The following CSMD1 variants were observed in gnomAD, a reference collection of about 807,000 sequenced individuals.
The protein encoded by CSMD1 is CUB and Sushi multiple domains 1.
Under a neutral mutation model 417.5 loss-of-function variants are expected in CSMD1, and 213 were observed. That is an observed-to-expected ratio of 0.51 (90% CI 0.46 to 0.57). The LOEUF (loss-of-function observed/expected upper bound fraction) is 0.57. Ranked by LOEUF, CSMD1 falls within the 20% of genes least tolerant of loss-of-function variation. The probability of loss-of-function intolerance (pLI) is 0.00; values close to 1 mark genes in which losing one functional copy is unlikely to be tolerated. For missense variants in CSMD1, 6,923 were observed against 4,529.7 expected (o/e 1.53, Z -15.17); for synonymous variants, 2,862 against 1,736.8 (o/e 1.65, Z -16.11).
At chr8:4,034,077 G>C (rs1161687754) in intron 3 of CSMD1, among the ~76,000 whole-genome samples, 1 of 152,102 alleles carries the variant, frequency 6.6e-6, no homozygotes, top group Admixed American at 6.5e-5. Context: ...CTTTGCATCG[G>C]CATGGGGGTG....
At chr8:3,517,630 G>T (rs1797336538) in intron 10 of CSMD1, among the ~76,000 whole-genome samples, 1 of 152,004 alleles carries the variant, frequency 6.6e-6, no homozygotes, top group Non-Finnish European at 1.5e-5. Context: ...CGATTTTTTT[G>T]GGGAAAAAGG....
chr8:4,784,467 T>C (rs967439925), intron 1 of CSMD1, among the ~76,000 whole-genome samples: 5 of 152,234 alleles, frequency 3.3e-5, no homozygotes, highest in Non-Finnish European at 4.4e-5. Context: ...ACACTTGCAT[T>C]GAAATTTTAA....
intron 1 of CSMD1, among the ~76,000 whole-genome samples, chr8:4,829,055 T>G (rs1326509705): frequency 6.6e-6 from 1 of 152,204 alleles, no homozygotes; most frequent in Non-Finnish European, 1.5e-5. Context: ...GATAACTTAA[T>G]AGGTTACCTT....
chr8:3,310,412 G>T (rs1245455283), intron 23 of CSMD1, among the ~76,000 whole-genome samples: 1 of 152,206 alleles, frequency 6.6e-6, no homozygotes, highest in Non-Finnish European at 1.5e-5. Context: ...CAGCATTGGG[G>T]ATGACCACCA....
chr8:3,082,769 A>C (rs1294017345), intron 49 of CSMD1, among the ~76,000 whole-genome samples: 1 of 152,206 alleles, frequency 6.6e-6, no homozygotes, highest in Non-Finnish European at 1.5e-5. Context: ...AATTATACAA[A>C]AGATACCCTC....
chr8:3,099,228 C>T (rs549331249), intron 46 of CSMD1, among the ~76,000 whole-genome samples: 3 of 152,204 alleles, frequency 2.0e-5, no homozygotes, highest in Non-Finnish European at 4.4e-5. Context: ...AGAGGGAGGT[C>T]GTGGGAAGCA....
chr8:3,012,048 T>C (rs1042557073), intron 52 of CSMD1, among the ~76,000 whole-genome samples: 2 of 152,180 alleles, frequency 1.3e-5, no homozygotes, highest in African/African-American at 4.8e-5. Flanking sequence ...TTAGAGCAGG[T>C]CCTTGGCAAT....
intron 1 of CSMD1, among the ~76,000 whole-genome samples, chr8:4,801,913 T>A (rs752340376): frequency 6.6e-6 from 1 of 152,228 alleles, no homozygotes; most frequent in Non-Finnish European, 1.5e-5. Context: ...CAAGGCAGCA[T>A]TCGTACTGTG....
intron 5 of CSMD1, among the ~76,000 whole-genome samples, chr8:3,775,229 A>C (rs1300632354): frequency 1.3e-5 from 2 of 152,232 alleles, no homozygotes; most frequent in East Asian, 3.9e-4. Flanking sequence ...ACTTTGCAAA[A>C]CAAGTTAGAA....
chr8:4,740,387 G>A (rs1810526633), intron 1 of CSMD1, among the ~76,000 whole-genome samples: 1 of 152,082 alleles, frequency 6.6e-6, no homozygotes, highest in South Asian at 2.1e-4. Flanking sequence ...GTATTAGAAT[G>A]AGGAAATAGC....
chr8:3,847,254 G>C (rs1429133432), intron 5 of CSMD1, among the ~76,000 whole-genome samples: 1 of 152,130 alleles, frequency 6.6e-6, no homozygotes, highest in South Asian at 2.1e-4. Context: ...GATGTAGAAA[G>C]GTCCCTAATC....
At chr8:3,418,494 G>C (rs1036926381) in intron 12 of CSMD1, among the ~76,000 whole-genome samples, 1 of 152,038 alleles carries the variant, frequency 6.6e-6, no homozygotes, top group Non-Finnish European at 1.5e-5. Context: ...TATAATCATG[G>C]AGTCATATTT....
In CSMD1 at chr8:4,497,433, C is replaced by A. The variant is rs111486206; in HGVS notation, c.303-77368G>T. Among the ~76,000 whole-genome samples, 743 of 152,274 alleles carry A rather than the reference C, an allele frequency of 4.9e-3. 4 individuals are homozygous for A. Among genetic ancestry groups the A allele is most frequent in the African/African-American group, 0.017 (692 of 41,566 alleles). On this transcript the variant is annotated intron_variant, in intron 2 of 69. Transcript: ENST00000635120. Reference sequence around the variant, plus strand: ...TTGGGGGGAAATATTAACCGCTTTTCAATTTATGCATAACCTTTCCAGGCC... The same window carrying A: ...TTGGGGGGAAATATTAACCGCTTTTAAATTTATGCATAACCTTTCCAGGCC...
chr8:3,337,489 G>A (rs879267414), intron 23 of CSMD1, among the ~76,000 whole-genome samples: 3 of 152,040 alleles, frequency 2.0e-5, no homozygotes, highest in African/African-American at 7.2e-5. Flanking sequence ...CTTTGCGGTT[G>A]GCAGTCTTGC....
At chr8:3,648,292 T>C (rs748087050) in intron 7 of CSMD1, among the ~76,000 whole-genome samples, 2 of 152,242 alleles carry the variant, frequency 1.3e-5, no homozygotes, top group Non-Finnish European at 2.9e-5. Context: ...ATATTTCAAA[T>C]CTGCCCTACA....
chr8:3,800,803 GC>G (rs1422799440), intron 5 of CSMD1, among the ~76,000 whole-genome samples: 1 of 152,032 alleles, frequency 6.6e-6, no homozygotes, highest in Non-Finnish European at 1.5e-5. Flanking sequence ...TTTTGTACGT[GC>G]CCACTTCCCC....
At chr8:3,381,095 A>T (rs1810600425) in intron 18 of CSMD1, among the ~76,000 whole-genome samples, 3 of 152,106 alleles carry the variant, frequency 2.0e-5, no homozygotes, top group Admixed American at 2.0e-4. Context: ...TCATTACCAG[A>T]TCAAGAGCAT....
At chr8:3,074,391 C>T (rs151118069) in intron 49 of CSMD1, among the ~76,000 whole-genome samples, 2 of 152,142 alleles carry the variant, frequency 1.3e-5, no homozygotes, top group African/African-American at 2.4e-5. Context: ...GTCCACCGCA[C>T]CCCCAGGTCC....
At chr8:3,742,369 A>G (rs925986831) in intron 6 of CSMD1, among the ~76,000 whole-genome samples, 5 of 152,182 alleles carry the variant, frequency 3.3e-5, no homozygotes, top group African/African-American at 7.2e-5. Context: ...TCTGACCCGA[A>G]TATTTTTCAA....
Sources: gnomAD v4.1 joint callset for allele counts (sites outside exome capture counted in the v4.1 genomes callset) on GRCh38, gnomAD v4.1.1 for gene constraint, MANE v1.5 for transcripts, NCBI Gene and HGNC (gene_info 2026-07-23, HGNC 2026-07-21) for gene names.